The following MOB3B variants were observed in gnomAD, a reference collection of about 807,000 sequenced individuals.
The protein encoded by MOB3B is MOB kinase activator-like 2B.
MOB3B carries 7 observed loss-of-function variants against 18.7 expected under a neutral mutation model. That is an observed-to-expected ratio of 0.37 (90% CI 0.21 to 0.70). The LOEUF (loss-of-function observed/expected upper bound fraction) is 0.70. Among genes scored for constraint, MOB3B ranks in the 30% least tolerant of loss-of-function variants. The probability of loss-of-function intolerance (pLI) is 0.52; values close to 1 mark genes in which losing one functional copy is unlikely to be tolerated. For synonymous variants in MOB3B, 111 were observed against 99.9 expected, an observed-to-expected ratio of 1.11 and a Z score of -0.66; for missense variants, 253 against 281.3, an observed-to-expected ratio of 0.90 and a Z score of 0.72.
chr9:27,481,298 T>G (rs1819645300), intron 1 of MOB3B, among the ~76,000 whole-genome samples: 1 of 152,132 alleles, frequency 6.6e-6, no homozygotes, highest in Non-Finnish European at 1.5e-5. Context: ...GTAAATCAAC[T>G]AAATGCTCCA....
chr9:27,496,383 T>C (rs1819899856), intron 1 of MOB3B, among the ~76,000 whole-genome samples: 1 of 152,262 alleles, frequency 6.6e-6, no homozygotes, highest in Non-Finnish European at 1.5e-5. Context: ...TTACATAGCA[T>C]GCATTCTTCT....
chr9:27,520,873 G>A (rs556175312), intron 1 of MOB3B, among the ~76,000 whole-genome samples: 64 of 152,174 alleles, frequency 4.2e-4, no homozygotes, highest in Non-Finnish European at 7.5e-4. Flanking sequence ...AGTTAAATCT[G>A]AATTTCAGAA....
chr9:27,422,538 T>G (rs534809114), intron 2 of MOB3B, among the ~76,000 whole-genome samples: 1 of 152,358 alleles, frequency 6.6e-6, no homozygotes, highest in African/African-American at 2.4e-5. Flanking sequence ...TCAAGATAGC[T>G]GAAGACAGAT....
At chr9:27,496,998 G>T (rs1201105354) in intron 1 of MOB3B, among the ~76,000 whole-genome samples, 2 of 152,154 alleles carry the variant, frequency 1.3e-5, no homozygotes, top group Non-Finnish European at 2.9e-5. Context: ...TTCAAAGTTG[G>T]CAGCATTCCA....
chr9:27,349,414 C>A (rs1821074511), intron 3 of MOB3B, among the ~76,000 whole-genome samples: 1 of 152,122 alleles, frequency 6.6e-6, no homozygotes, highest in Non-Finnish European at 1.5e-5. Flanking sequence ...TCATTCAAAC[C>A]CCAAGTTAAT....
At chr9:27,387,049 C>T (rs925606735) in intron 2 of MOB3B, among the ~76,000 whole-genome samples, 3 of 152,178 alleles carry the variant, frequency 2.0e-5, no homozygotes. Context: ...ATAAAAGTTA[C>T]AAGCTTGTGA....
chr9:27,475,798 C>G (rs1819545914), intron 1 of MOB3B, among the ~76,000 whole-genome samples: 1 of 152,160 alleles, frequency 6.6e-6, no homozygotes, highest in Non-Finnish European at 1.5e-5. Context: ...GCCAACACAT[C>G]CCAAACTCCT....
chr9:27,475,502 A>G (rs7854866), intron 1 of MOB3B, among the ~76,000 whole-genome samples: 145,038 of 152,334 alleles, frequency 0.95, 69,407 homozygotes, highest in East Asian at 1. Context: ...AAGTCCATTC[A>G]TTGATAACTA....
At chr9:27,439,798 A>C (rs1362211575) in intron 2 of MOB3B, among the ~76,000 whole-genome samples, 3 of 152,156 alleles carry the variant, frequency 2.0e-5, no homozygotes, top group Admixed American at 1.3e-4. Context: ...GCATAGCAAA[A>C]AAAATGGAAT....
intron 3 of MOB3B, among the ~76,000 whole-genome samples, chr9:27,350,874 CT>C (rs1587147781): frequency 6.6e-6 from 1 of 151,550 alleles, no homozygotes; most frequent in African/African-American, 2.4e-5. Context: ...TGTACACCCC[CT>C]CTGCCCCTCT....
In MOB3B at chr9:27,456,312, G is replaced by A. The variant is rs148759770; in HGVS notation, c.-198-564C>T. On this transcript the variant is annotated intron_variant, in intron 1 of 3. Transcript: ENST00000262244. ...GGTCTGGTTGAATCTTGCTTGGACC[G>A]TGTGTAGTGCAGTTGAGAAAGCTGG... Among the ~76,000 whole-genome samples the A allele has an allele frequency of 8.8e-4, 134 of 152,294 alleles. 2 individuals are homozygous for A. In the East Asian group the frequency reaches 0.022, roughly 25 times the overall value.
At chr9:27,369,207 T>C (rs1163472614) in intron 2 of MOB3B, among the ~76,000 whole-genome samples, 1 of 152,202 alleles carries the variant, frequency 6.6e-6, no homozygotes, top group South Asian at 2.1e-4. Flanking sequence ...TTCTGGTTTT[T>C]TTCATGAGCC....
chr9:27,524,104 GA>G (rs113230406), intron 1 of MOB3B, among the ~76,000 whole-genome samples: 60 of 96,968 alleles, frequency 6.2e-4, no homozygotes, highest in Non-Finnish European at 9.8e-4. Context: ...ATTTTTCAGG[GA>G]AAAAAAAAAG....
At chr9:27,360,452 C>T (rs2131357599) in intron 2 of MOB3B, among the ~76,000 whole-genome samples, 1 of 152,296 alleles carries the variant, frequency 6.6e-6, no homozygotes, top group South Asian at 2.1e-4. Flanking sequence ...TTGCAGTGAG[C>T]CAAGATTGCG....
At chr9:27,451,651 C>A (rs1454286292) in intron 2 of MOB3B, among the ~76,000 whole-genome samples, 1 of 152,010 alleles carries the variant, frequency 6.6e-6, no homozygotes, top group Non-Finnish European at 1.5e-5. Flanking sequence ...AAGTTTGAAC[C>A]CCTCCCAATT....
At chr9:27,519,554 A>G (rs1483693272) in intron 1 of MOB3B, among the ~76,000 whole-genome samples, 1 of 152,206 alleles carries the variant, frequency 6.6e-6, no homozygotes, top group African/African-American at 2.4e-5. Context: ...CAAACAAGCC[A>G]GTTGTTATAC....
At chr9:27,351,166 G>A (rs1046611079) in intron 3 of MOB3B, among the ~76,000 whole-genome samples, 9 of 152,094 alleles carry the variant, frequency 5.9e-5, no homozygotes, top group Admixed American at 5.9e-4. Context: ...GCCTCCCAAA[G>A]TGTTGGGATT....
chr9:27,513,608 A>G (rs1287524532), intron 1 of MOB3B, among the ~76,000 whole-genome samples: 9 of 152,192 alleles, frequency 5.9e-5, no homozygotes, highest in African/African-American at 2.2e-4. Context: ...AGCTCTTCCC[A>G]TCAGGGCCTG....
intron 1 of MOB3B, among the ~76,000 whole-genome samples, chr9:27,466,633 G>T (rs1819386967): frequency 6.6e-6 from 1 of 152,178 alleles, no homozygotes; most frequent in African/African-American, 2.4e-5. Flanking sequence ...GTTCCACATG[G>T]TTGGGGAGGC....
Sources: allele counts gnomAD v4.1 joint callset (sites outside exome capture counted in the v4.1 genomes callset), GRCh38; gene constraint gnomAD v4.1.1; transcripts MANE v1.5; gene names NCBI Gene and HGNC (gene_info 2026-07-23, HGNC 2026-07-21).